The following SKAP2 variants were observed in gnomAD, a reference collection of about 807,000 sequenced individuals.
The protein encoded by SKAP2 is src kinase-associated phosphoprotein 2.
In SKAP2, 28 loss-of-function variants were observed where a neutral mutation model predicts 54.9. The ratio of observed to expected loss-of-function variants is 0.51; its 90% CI spans 0.38 to 0.70. The LOEUF (loss-of-function observed/expected upper bound fraction) is 0.70, where lower values mean the gene tolerates loss of function less well. SKAP2 is among the 30% of genes least tolerant of loss of function. SKAP2 has a pLI of 0.00. For synonymous variants in SKAP2, 137 were observed against 134.3 expected (o/e 1.02, Z -0.14); for missense variants, 356 against 424.1 (o/e 0.84, Z 1.41).
At chr7:26,696,250 A>G (rs1407796509) in intron 9 of SKAP2, among the ~76,000 whole-genome samples, 3 of 152,222 alleles carry the variant, frequency 2.0e-5, no homozygotes, top group Non-Finnish European at 4.4e-5. Flanking sequence ...AAAAGATATA[A>G]GCATGTGCCT....
At chr7:26,821,550 T>C (rs1187735486) in intron 4 of SKAP2, among the ~76,000 whole-genome samples, 1 of 152,216 alleles carries the variant, frequency 6.6e-6, no homozygotes, top group African/African-American at 2.4e-5. Context: ...TCTCATGATA[T>C]TAAACATGTT....
chr7:26,863,028 G>C (rs983393972), intron 1 of SKAP2, among the ~76,000 whole-genome samples: 19 of 152,222 alleles, frequency 1.2e-4, no homozygotes, highest in African/African-American at 4.6e-4. Flanking sequence ...CCTGAAGTCA[G>C]TCTTTAGACT....
At chr7:26,751,730 T>A (rs1463736581) in intron 4 of SKAP2, among the ~76,000 whole-genome samples, 1 of 152,170 alleles carries the variant, frequency 6.6e-6, no homozygotes, top group African/African-American at 2.4e-5. Flanking sequence ...AATATAGATA[T>A]GAAATTCATA....
At chr7:26,837,997 C>G (rs1425747874) in intron 4 of SKAP2, among the ~76,000 whole-genome samples, 2 of 152,130 alleles carry the variant, frequency 1.3e-5, no homozygotes, top group Non-Finnish European at 2.9e-5. Context: ...TATCACTTAA[C>G]CTCTCTATTT....
intron 4 of SKAP2, among the ~76,000 whole-genome samples, chr7:26,795,062 G>C (rs1392550723): frequency 6.6e-6 from 1 of 152,164 alleles, no homozygotes; most frequent in Non-Finnish European, 1.5e-5. Flanking sequence ...ACATGTTTGA[G>C]AACCAATTAA....
At chr7:26,835,413 T>G (rs1022585451) in intron 4 of SKAP2, among the ~76,000 whole-genome samples, 1 of 152,204 alleles carries the variant, frequency 6.6e-6, no homozygotes, top group Non-Finnish European at 1.5e-5. Flanking sequence ...ATTGTCTGTT[T>G]GCAGATGACA....
In SKAP2 at chr7:26,803,377, C is replaced by G. The variant is rs7779269; in HGVS notation, c.307+40653G>C. Among the ~76,000 whole-genome samples, 869 of 152,272 alleles carry G rather than the reference C, an allele frequency of 5.7e-3. 10 individuals carry two copies. Among genetic ancestry groups the G allele is most frequent in the African/African-American group, 0.019 (800 of 41,546 alleles). On this transcript the variant is annotated intron_variant, in intron 4 of 12. Transcript: ENST00000345317. ...AGACATATGACAAGGTGCTCAACAT[C>G]ACTGATCATCAGAGAAATGCAAATC... is the stretch of plus-strand genomic sequence containing the variant.
chr7:26,721,104 C>A (rs1787567189), intron 9 of SKAP2, among the ~76,000 whole-genome samples: 1 of 152,156 alleles, frequency 6.6e-6, no homozygotes, highest in South Asian at 2.1e-4. Flanking sequence ...AATTAATTGA[C>A]ATCTTTCCAT....
intron 3 of SKAP2, among the ~76,000 whole-genome samples, chr7:26,846,128 T>A (rs962076480): frequency 8.5e-5 from 13 of 152,092 alleles, no homozygotes; most frequent in African/African-American, 2.9e-4. Context: ...ATTAAGAATT[T>A]TTGTGGTATG....
intron 6 of SKAP2, among the ~76,000 whole-genome samples, chr7:26,730,603 T>TTC (rs147755985): frequency 0.016 from 2,426 of 152,312 alleles, 63 homozygotes; most frequent in African/African-American, 0.055. Flanking sequence ...TCTATTACAT[T>TTC]TCTCTCAGCT....
chr7:26,849,512 C>T (rs185946124), intron 3 of SKAP2, among the ~76,000 whole-genome samples: 112 of 151,814 alleles, frequency 7.4e-4, no homozygotes, highest in African/African-American at 2.6e-3. Flanking sequence ...GGTGAAACCC[C>T]GTCTCTCCTA....
chr7:26,760,969 T>A (rs1782915576), intron 4 of SKAP2, among the ~76,000 whole-genome samples: 1 of 152,356 alleles, frequency 6.6e-6, no homozygotes, highest in Middle Eastern at 3.4e-3. Context: ...AACTGTTCAC[T>A]GAATATGGAA....
At chr7:26,828,504 C>G (rs986467236) in intron 4 of SKAP2, among the ~76,000 whole-genome samples, 1 of 150,972 alleles carries the variant, frequency 6.6e-6, no homozygotes, top group Non-Finnish European at 1.5e-5. Flanking sequence ...GGTGAAACCC[C>G]GTCTCTACTA....
At chr7:26,760,186 C>T (rs910430998) in intron 4 of SKAP2, among the ~76,000 whole-genome samples, 8 of 152,148 alleles carry the variant, frequency 5.3e-5, no homozygotes, top group African/African-American at 9.6e-5. Flanking sequence ...ACATATTCCA[C>T]GAATCCTTGG....
intron 9 of SKAP2, among the ~76,000 whole-genome samples, chr7:26,704,121 G>A (rs1326473073): frequency 6.6e-6 from 1 of 152,126 alleles, no homozygotes; most frequent in East Asian, 1.9e-4. Context: ...TTGGCTAACT[G>A]ACAATCGTTT....
chr7:26,682,326 G>T (rs1001390002), intron 11 of SKAP2, among the ~76,000 whole-genome samples: 1 of 152,126 alleles, frequency 6.6e-6, no homozygotes, highest in African/African-American at 2.4e-5. Flanking sequence ...AGTCTTCAAA[G>T]ACAAACATAT....
the SKAP2 span, among the ~76,000 whole-genome samples, chr7:26,656,662 T>C: frequency 6.6e-6 from 1 of 152,220 alleles, no homozygotes; most frequent in African/African-American, 2.4e-5. Context: ...ATGAATCTTA[T>C]TGCAGAAACT....
At chr7:26,735,700 T>C (rs1323538921) in intron 6 of SKAP2, among the ~76,000 whole-genome samples, 1 of 152,228 alleles carries the variant, frequency 6.6e-6, no homozygotes, top group Non-Finnish European at 1.5e-5. Flanking sequence ...ATATGAGTTC[T>C]TCCCATTAGG....
intron 4 of SKAP2, among the ~76,000 whole-genome samples, chr7:26,781,377 A>G (rs1230063679): frequency 6.6e-6 from 1 of 152,180 alleles, no homozygotes; most frequent in African/African-American, 2.4e-5. Flanking sequence ...CCCACCTTTC[A>G]TATGACTTCA....
Sources: gnomAD v4.1 joint callset for allele counts (sites outside exome capture counted in the v4.1 genomes callset) on GRCh38, gnomAD v4.1.1 for gene constraint, MANE v1.5 for transcripts, NCBI Gene and HGNC (gene_info 2026-07-23, HGNC 2026-07-21) for gene names.